The following JAM3 variants were observed in gnomAD, a reference collection of about 807,000 sequenced individuals.
JAM3 encodes the protein junctional adhesion molecule C.
Under a neutral mutation model 39.4 loss-of-function variants are expected in JAM3, and 31 were observed. The ratio of observed to expected loss-of-function variants is 0.79; its 90% CI spans 0.59 to 1.06. The LOEUF (loss-of-function observed/expected upper bound fraction) is 1.06, where lower values mean the gene tolerates loss of function less well. Among genes scored for constraint, JAM3 ranks in the 50% least tolerant of loss-of-function variants. The pLI is 0.00. For synonymous variants in JAM3, 182 were observed against 148.7 expected (o/e 1.22, Z -1.63); for missense variants, 455 against 391.4 (o/e 1.16, Z -1.37).
intron 1 of JAM3, among the ~76,000 whole-genome samples, chr11:134,110,305 C>G (rs997640915): frequency 2.6e-5 from 4 of 152,150 alleles, no homozygotes; most frequent in African/African-American, 9.7e-5. Flanking sequence ...TATACTCCCA[C>G]ATACTTATGT....
At chr11:134,091,214 G>C (rs1235320020) in intron 1 of JAM3, among the ~76,000 whole-genome samples, 2 of 152,066 alleles carry the variant, frequency 1.3e-5, no homozygotes, top group Non-Finnish European at 2.9e-5. Context: ...TAAAAATAAG[G>C]GCTGGGCGTG....
intron 1 of JAM3, among the ~76,000 whole-genome samples, chr11:134,123,389 C>A (rs149333177): frequency 3.3e-5 from 5 of 151,930 alleles, no homozygotes; most frequent in Non-Finnish European, 4.4e-5. Context: ...CCCCCCCCCC[C>A]CAAAAAAGGG....
chr11:134,146,074 C>T (rs201197644), intron 6 of JAM3, 29 bp downstream of exon 6: 78 of 1,389,980 alleles, frequency 5.6e-5, no homozygotes, highest in South Asian at 6.9e-5. Flanking sequence ...GAGGTTTCAT[C>T]GCAAGACTGG....
intron 1 of JAM3, among the ~76,000 whole-genome samples, chr11:134,106,686 C>T (rs1942195965): frequency 6.6e-6 from 1 of 152,250 alleles, no homozygotes; most frequent in African/African-American, 2.4e-5. Flanking sequence ...TGAACAGACA[C>T]TTCTCAAAAG....
chr11:134,133,781 A>G (rs1942812074), intron 1 of JAM3, among the ~76,000 whole-genome samples: 2 of 152,126 alleles, frequency 1.3e-5, no homozygotes, highest in South Asian at 4.1e-4. Flanking sequence ...CCCTACACAC[A>G]CACCTTACCA....
intron 1 of JAM3, among the ~76,000 whole-genome samples, chr11:134,128,807 T>TAA (rs1942705581): frequency 6.6e-6 from 1 of 152,232 alleles, no homozygotes. Flanking sequence ...TAGTTCTTTA[T>TAA]AGTGTGAAAA....
chr11:134,144,965 T>C lies in JAM3; in HGVS notation c.583T>C (p.Phe195Leu), dbSNP rs746295814. Residue 195 changes from phenylalanine to leucine, a missense_variant, in exon 5 of 9, where the codon TTC becomes CTC. Transcript: ENST00000299106. ...CAATCCCAGATTTCGCAATTCTTCT[T>C]TCCACTTAAACTCTGAAACAGGCAC... ...RANPRFRNSS[F>L]HLNSETGTLV... The C allele has an allele frequency of 6.8e-6, 11 of 1,614,072 alleles. No homozygotes were observed. In the Admixed American group the frequency reaches 1.0e-4, roughly 15 times the overall value.
At chr11:134,118,094 G>T in intron 1 of JAM3, among the ~76,000 whole-genome samples, 1 of 152,170 alleles carries the variant, frequency 6.6e-6, no homozygotes. Context: ...AAGGTCTTAT[G>T]CTCAGGGCAA....
intron 1 of JAM3, among the ~76,000 whole-genome samples, chr11:134,072,330 G>A (rs1200299063): frequency 1.0e-5 from 1 of 96,984 alleles, no homozygotes; most frequent in Non-Finnish European, 2.1e-5. Context: ...TTTTTTTTTT[G>A]AGACTGAGTT....
intron 1 of JAM3, among the ~76,000 whole-genome samples, chr11:134,131,111 A>T (rs1215892946): frequency 1.3e-5 from 2 of 152,092 alleles, no homozygotes; most frequent in Non-Finnish European, 2.9e-5. Context: ...AGCCCTGACA[A>T]GATGCTAAGA....
intron 6 of JAM3, among the ~76,000 whole-genome samples, chr11:134,146,626 G>A (rs1943077211): frequency 6.6e-6 from 1 of 151,872 alleles, no homozygotes; most frequent in South Asian, 2.1e-4. Context: ...GGAGTGCAGT[G>A]AGTGCAGTCA....
intron 1 of JAM3, among the ~76,000 whole-genome samples, chr11:134,121,818 T>C (rs1435279306): frequency 5.9e-5 from 7 of 118,430 alleles, no homozygotes; most frequent in South Asian, 2.3e-4. Context: ...CGTGCATGTG[T>C]GCGCACACAC....
chr11:134,105,002 T>A (rs1007215351), intron 1 of JAM3, among the ~76,000 whole-genome samples: 9 of 152,186 alleles, frequency 5.9e-5, no homozygotes, highest in African/African-American at 2.2e-4. Flanking sequence ...CCTAACTCAT[T>A]TTATGAGGCC....
At chr11:134,095,278 C>T (rs1941958132) in intron 1 of JAM3, among the ~76,000 whole-genome samples, 1 of 152,114 alleles carries the variant, frequency 6.6e-6, no homozygotes, top group African/African-American at 2.4e-5. Flanking sequence ...TTTGCATGTA[C>T]TAATGCAAAT....
chr11:134,111,934 G>T (rs1942319857), intron 1 of JAM3, among the ~76,000 whole-genome samples: 1 of 152,156 alleles, frequency 6.6e-6, no homozygotes, highest in African/African-American at 2.4e-5. Context: ...GCGATCTGAA[G>T]TCCAGCCTCT....
At chr11:134,143,920 A>G (rs1565505194) in intron 3 of JAM3, among the ~76,000 whole-genome samples, 1 of 152,152 alleles carries the variant, frequency 6.6e-6, no homozygotes, top group African/African-American at 2.4e-5. Flanking sequence ...TTGTTTTTCT[A>G]GTGGTGTTTT....
chr11:134,085,768 T>G (rs1941737900), intron 1 of JAM3, among the ~76,000 whole-genome samples: 1 of 152,220 alleles, frequency 6.6e-6, no homozygotes, highest in South Asian at 2.1e-4. Context: ...GCGTAATATT[T>G]GGAACATCAT....
At chr11:134,145,534 A>G (rs1591808754) in intron 5 of JAM3, 1 of 324,520 alleles carries the variant, frequency 3.1e-6, no homozygotes, top group East Asian at 8.0e-5. Context: ...AGCAAACCAC[A>G]CCAGGCTTTT....
intron 3 of JAM3, among the ~76,000 whole-genome samples, chr11:134,143,347 T>A (rs1943009222): frequency 6.6e-6 from 1 of 152,224 alleles, no homozygotes; most frequent in African/African-American, 2.4e-5. Flanking sequence ...GTTGAGGGTC[T>A]TATTTGTGTA....
Sources: allele counts gnomAD v4.1 joint callset (sites outside exome capture counted in the v4.1 genomes callset), GRCh38; gene constraint gnomAD v4.1.1; transcripts MANE v1.5; gene names NCBI Gene and HGNC (gene_info 2026-07-23, HGNC 2026-07-21).